Variants in LIMS1 observed in about 807,000 individuals in gnomAD.
LIMS1 encodes LIM zinc finger domain containing 1, also known as LIM and senescent cell antigen-like-containing domain protein 1.
LIMS1 carries 18 observed loss-of-function variants against 44.1 expected under a neutral mutation model. The ratio of observed to expected loss-of-function variants is 0.41; its 90% CI spans 0.28 to 0.61. The LOEUF (loss-of-function observed/expected upper bound fraction) is 0.61. Among genes scored for constraint, LIMS1 ranks in the 20% least tolerant of loss-of-function variants. The probability of loss-of-function intolerance (pLI) is 0.32; values close to 1 mark genes in which losing one functional copy is unlikely to be tolerated. For missense variants in LIMS1, 201 were observed against 422.0 expected (o/e 0.48, Z 4.59); for synonymous variants, 93 against 149.1 (o/e 0.62, Z 2.74).
rs199636934 is a variant in LIMS1, at chr2:108,677,914, T to A, written c.775-65T>A. Reference sequence around the variant, plus strand: ...CTCAATTTAGATAGCCAGCTATTTTTAAATGTTCAGTGTTCTAAAAATTCT... The same window carrying A: ...CTCAATTTAGATAGCCAGCTATTTTAAAATGTTCAGTGTTCTAAAAATTCT... On this transcript the variant is annotated intron_variant, in intron 7 of 9. Transcript: ENST00000544547. The A allele has an allele frequency of 8.0e-5, 123 of 1,529,070 alleles. No homozygotes were observed. The East Asian group carries it at 2.4e-3, about 30-fold the overall frequency. The allele number at this position is 1,529,070 out of a possible 1,614,324, so 94.7% of individuals were successfully genotyped here.
At chr2:108,666,801 A>G (rs1227208352) in intron 2 of LIMS1, among the ~76,000 whole-genome samples, 2 of 151,984 alleles carry the variant, frequency 1.3e-5, no homozygotes, top group Non-Finnish European at 2.9e-5. Flanking sequence ...AAAAAAAAAT[A>G]ATAATAATAA....
chr2:108,656,454 C>G (rs575180855), intron 1 of LIMS1, among the ~76,000 whole-genome samples: 307 of 152,312 alleles, frequency 2.0e-3, no homozygotes, highest in African/African-American at 7.0e-3. Context: ...GTAGCTATAA[C>G]TGTCACTAAT....
At chr2:108,628,384 C>G (rs139340583) in intron 1 of LIMS1, among the ~76,000 whole-genome samples, 8 of 152,214 alleles carry the variant, frequency 5.3e-5, no homozygotes, top group Admixed American at 1.3e-4. Flanking sequence ...CAAATCAGGC[C>G]AAGAGTCATT....
intron 1 of LIMS1, among the ~76,000 whole-genome samples, chr2:108,572,741 C>T (rs183398628): frequency 7.9e-5 from 12 of 152,148 alleles, no homozygotes; most frequent in African/African-American, 1.7e-4. Context: ...GTGTAGGGGA[C>T]GGTAGGCAAC....
chr2:108,577,839 G>T (rs772348416), intron 1 of LIMS1, among the ~76,000 whole-genome samples: 5 of 152,158 alleles, frequency 3.3e-5, no homozygotes, highest in Non-Finnish European at 5.9e-5. Context: ...ATAAAGTCTT[G>T]CCCATCTGTT....
exon 10 of LIMS1, chr2:108,686,025 C>A (rs1339523625): frequency 1.3e-5 from 2 of 152,218 alleles, no homozygotes; most frequent in African/African-American, 4.8e-5. Context: ...GCTCAGTCCT[C>A]TTTTAAAATA....
intron 9 of LIMS1, among the ~76,000 whole-genome samples, chr2:108,682,233 C>T (rs1017035361): frequency 2.0e-5 from 3 of 152,156 alleles, no homozygotes; most frequent in African/African-American, 7.2e-5. Flanking sequence ...AACAATGAGG[C>T]CGGGCATGGT....
intron 1 of LIMS1, among the ~76,000 whole-genome samples, chr2:108,585,278 C>T (rs1686056281): frequency 6.6e-6 from 1 of 151,846 alleles, no homozygotes; most frequent in Non-Finnish European, 1.5e-5. Flanking sequence ...TTCCTTAGAC[C>T]GCTTGCTGGC....
rs148627866 is a variant in LIMS1, at chr2:108,681,476, C to A, written c.899+706C>A. 1.7e-4 allele frequency: 162 copies of A among 978,296 alleles called. No individual in the cohort carries two copies. In the African/African-American group the frequency reaches 2.8e-3, roughly 17 times the overall value. 60.6% of individuals were successfully genotyped at this position (978,296 alleles called of 1,614,324 possible). ...GGAAGAATTCTAATCTCTTAATAGACCCTGGAAAACATTTTAAAGGATTTT... is the reference window on the plus strand; with the variant it reads ...GGAAGAATTCTAATCTCTTAATAGAACCTGGAAAACATTTTAAAGGATTTT... On this transcript the variant is annotated intron_variant, in intron 9 of 9. Transcript: ENST00000544547.
intron 1 of LIMS1, among the ~76,000 whole-genome samples, chr2:108,608,251 A>G (rs933721477): frequency 2.0e-5 from 3 of 150,714 alleles, no homozygotes; most frequent in African/African-American, 7.3e-5. Context: ...TCTTTCCTTT[A>G]GGTTTTCCTT....
At chr2:108,578,829 C>T (rs575335747) in intron 1 of LIMS1, among the ~76,000 whole-genome samples, 3 of 152,122 alleles carry the variant, frequency 2.0e-5, no homozygotes, top group East Asian at 1.9e-4. Context: ...CTCCTGACCT[C>T]GTGATCTGTC....
chr2:108,540,355 C>T (rs965171584), intron 1 of LIMS1, among the ~76,000 whole-genome samples: 3 of 152,092 alleles, frequency 2.0e-5, no homozygotes, highest in African/African-American at 7.2e-5. Flanking sequence ...CCTGCCACAA[C>T]ACCTGGCTAA....
intron 1 of LIMS1, among the ~76,000 whole-genome samples, chr2:108,552,297 T>C (rs940329078): frequency 2.2e-4 from 29 of 134,610 alleles, no homozygotes; most frequent in African/African-American, 3.7e-4. Context: ...ATATATACTA[T>C]ACGTGTAGTA....
intron 1 of LIMS1, among the ~76,000 whole-genome samples, chr2:108,540,273 ACT>A (rs1684276137): frequency 7.6e-6 from 1 of 132,350 alleles, no homozygotes; most frequent in Admixed American, 1.0e-4. Flanking sequence ...ATCTCGGCTC[ACT>A]GCAGGCTCCG....
intron 1 of LIMS1, among the ~76,000 whole-genome samples, chr2:108,615,550 A>G (rs1687884901): frequency 6.6e-6 from 1 of 152,008 alleles, no homozygotes; most frequent in Admixed American, 6.5e-5. Flanking sequence ...CAGCTTTGTG[A>G]CCAAAGAAAA....
chr2:108,640,547 C>G (rs1257628679), intron 1 of LIMS1, among the ~76,000 whole-genome samples: 1 of 152,134 alleles, frequency 6.6e-6, no homozygotes. Flanking sequence ...TCTGGGCTGT[C>G]CCTCAGTACA....
intron 9 of LIMS1, chr2:108,681,327 A>G: frequency 3.0e-6 from 3 of 984,758 alleles, no homozygotes; most frequent in Middle Eastern, 5.2e-4. Flanking sequence ...AATTAAATGA[A>G]TACACTCCAT....
intron 1 of LIMS1, among the ~76,000 whole-genome samples, chr2:108,599,789 A>G: frequency 6.6e-6 from 1 of 151,916 alleles, no homozygotes; most frequent in Admixed American, 6.6e-5. Context: ...GGTATTGAGT[A>G]CCTTTTCATA....
intron 2 of LIMS1, among the ~76,000 whole-genome samples, chr2:108,667,256 A>G (rs1413660632): frequency 1.3e-5 from 2 of 152,156 alleles, no homozygotes. Context: ...AACTGGGAGG[A>G]AGACCAAATA....
Sources: gnomAD v4.1 joint callset for allele counts (sites outside exome capture counted in the v4.1 genomes callset) on GRCh38, gnomAD v4.1.1 for gene constraint, MANE v1.5 for transcripts, NCBI Gene and HGNC (gene_info 2026-07-23, HGNC 2026-07-21) for gene names.